Variants in MXI1 observed in about 807,000 individuals in gnomAD.
The protein encoded by MXI1 is MAX interactor 1, dimerization protein, also known as max-interacting protein 1.
In MXI1, 18 loss-of-function variants were observed where a neutral mutation model predicts 36.9. The observed-to-expected ratio is 0.49, with a 90% CI of 0.34 to 0.72. The LOEUF (loss-of-function observed/expected upper bound fraction) is 0.72. MXI1 is among the 30% of genes least tolerant of loss of function. The probability of loss-of-function intolerance (pLI) is 0.01; values close to 1 mark genes in which losing one functional copy is unlikely to be tolerated. For synonymous variants in MXI1, 160 were observed against 146.7 expected (o/e 1.09, Z -0.65); for missense variants, 304 against 379.1 (o/e 0.80, Z 1.64).
intron 3 of MXI1, among the ~76,000 whole-genome samples, chr10:110,262,166 G>C (rs1590386986): frequency 6.6e-6 from 1 of 152,122 alleles, no homozygotes; most frequent in South Asian, 2.1e-4. Context: ...AAATATTTGG[G>C]GGGAAAATTG....
At position 110,285,033 on chromosome 10, in the gene MXI1, A is replaced by C. The variant is rs769324712; in HGVS notation, c.*46A>C. 2 of 1,522,910 alleles carry C rather than the reference A, an allele frequency of 1.3e-6. No individual in the cohort carries two copies. The highest frequency in any genetic ancestry group is 1.8e-6 in the Non-Finnish European group (2 of 1,129,802). 94.3% of individuals were successfully genotyped at this position (1,522,910 alleles called of 1,614,324 possible). ...TGCAGGGCAAAATATTCACTGGGCC[A>C]ATTCAATACAAACAATCTCTTAAAT... On this transcript the variant is annotated 3_prime_UTR_variant, in exon 6 of 6. Coordinates refer to ENST00000332674, the MANE Select transcript of MXI1 (RefSeq NM_130439.3).
intron 3 of MXI1, among the ~76,000 whole-genome samples, chr10:110,267,631 A>C (rs929538144): frequency 2.6e-5 from 4 of 152,228 alleles, no homozygotes; most frequent in African/African-American, 7.2e-5. Context: ...CCATCTTTGC[A>C]GTTAAAACAT....
chr10:110,217,811 A>G (rs1401426293), intron 1 of MXI1, among the ~76,000 whole-genome samples: 1 of 152,170 alleles, frequency 6.6e-6, no homozygotes, highest in East Asian at 1.9e-4. Flanking sequence ...CTTCTGGGAG[A>G]GTGTGATAAC....
At chr10:110,223,120 G>T (rs1412317760) in intron 1 of MXI1, among the ~76,000 whole-genome samples, 1 of 152,190 alleles carries the variant, frequency 6.6e-6, no homozygotes, top group Non-Finnish European at 1.5e-5. Context: ...CTCTAGGTTA[G>T]TTCACCTGGA....
At chr10:110,271,787 A>G (rs1856861096) in intron 3 of MXI1, among the ~76,000 whole-genome samples, 1 of 152,218 alleles carries the variant, frequency 6.6e-6, no homozygotes, top group Admixed American at 6.5e-5. Flanking sequence ...ATAAGGCACT[A>G]TTGTTTACTG....
chr10:110,244,756 G>A, intron 2 of MXI1, 72 bp from the exon 3 acceptor site: 1 of 1,299,292 alleles, frequency 7.7e-7, no homozygotes, highest in Non-Finnish European at 1.1e-6. Context: ...TAGCATAGCA[G>A]TAACTAATCT....
chr10:110,266,037 CCTT>C (rs1195313036), intron 3 of MXI1, among the ~76,000 whole-genome samples: 1 of 152,010 alleles, frequency 6.6e-6, no homozygotes, highest in African/African-American at 2.4e-5. Context: ...TGTGATACAA[CCTT>C]CTTACTAATT....
rs41291898 is a variant in MXI1, at chr10:110,228,179, C to T, written c.275-10C>T. 230 of 1,612,264 alleles carry T rather than the reference C, an allele frequency of 1.4e-4. No individual in the cohort carries two copies. Among genetic ancestry groups the T allele is most frequent in the Non-Finnish European group, 1.9e-4 (219 of 1,179,498 alleles). On this transcript the variant is annotated splice_polypyrimidine_tract_variant and intron_variant, in intron 1 of 5. Coordinates refer to ENST00000332674, the MANE Select transcript of MXI1 (RefSeq NM_130439.3). ...CTTCTTACCGTATCTTTTTTTCTTG[C>T]TTTCTTCAGAGTGTGAACATGGCTA...
chr10:110,215,038 T>G (rs1185585696), intron 1 of MXI1, among the ~76,000 whole-genome samples: 12 of 76,834 alleles, frequency 1.6e-4, no homozygotes, highest in Non-Finnish European at 2.5e-4. Flanking sequence ...TCAGTTTTTT[T>G]TTTTGTTTTT....
At chr10:110,256,957 T>C (rs1032408702) in intron 3 of MXI1, 10 of 152,220 alleles carry the variant, frequency 6.6e-5, no homozygotes, top group African/African-American at 2.4e-4. Flanking sequence ...CAGTATGTAA[T>C]GTGGTATGAG....
chr10:110,252,003 T>G (rs563874806), intron 3 of MXI1, among the ~76,000 whole-genome samples: 5 of 152,222 alleles, frequency 3.3e-5, no homozygotes, highest in Non-Finnish European at 5.9e-5. Context: ...AGCAAAGAGA[T>G]AGGCATGTAC....
intron 1 of MXI1, chr10:110,227,753 A>T (rs1855112527): frequency 5.3e-6 from 1 of 187,946 alleles, no homozygotes; most frequent in Non-Finnish European, 1.1e-5. Flanking sequence ...TGTGGTGTCG[A>T]GAGAGAAAAT....
chr10:110,255,463 C>T (rs12415370), intron 3 of MXI1, among the ~76,000 whole-genome samples: 24,123 of 152,092 alleles, frequency 0.16, 3,021 homozygotes, highest in East Asian at 0.62. Flanking sequence ...ACTTTCAAGT[C>T]TTATTATTTC....
intron 3 of MXI1, chr10:110,257,655 T>A: frequency 6.2e-6 from 1 of 161,680 alleles, no homozygotes. Context: ...GCATATTTTT[T>A]AAGCACTCTA....
intron 5 of MXI1, among the ~76,000 whole-genome samples, chr10:110,281,785 G>A (rs185376713): frequency 6.6e-6 from 1 of 152,112 alleles, no homozygotes; most frequent in Non-Finnish European, 1.5e-5. Context: ...GGTAGATGCA[G>A]AATACTTCAT....
chr10:110,213,200 G>A (rs150045006), intron 1 of MXI1, among the ~76,000 whole-genome samples: 1 of 152,200 alleles, frequency 6.6e-6, no homozygotes, highest in Admixed American at 6.5e-5. Context: ...GTGAACAGCT[G>A]TGACCCTGAG....
At chr10:110,216,185 G>A (rs917184533) in intron 1 of MXI1, among the ~76,000 whole-genome samples, 33 of 152,218 alleles carry the variant, frequency 2.2e-4, no homozygotes, top group African/African-American at 7.2e-4. Context: ...CCCTTGGTTT[G>A]AGCAGTACGC....
rs946689657 is a variant in MXI1 at position 110,287,135 on chromosome 10, G to C, written c.*2148G>C. On this transcript the variant is annotated 3_prime_UTR_variant, in exon 6 of 6. Coordinates refer to ENST00000332674, the MANE Select transcript of MXI1 (RefSeq NM_130439.3). Reference sequence around the variant, plus strand: ...CTTGCATTATTTGGGCCTTCATTCAGATGAACTTGAGGTGCCATTTTGTTG... The same window carrying C: ...CTTGCATTATTTGGGCCTTCATTCACATGAACTTGAGGTGCCATTTTGTTG... 6.6e-6 allele frequency: 1 copy of C among 152,152 alleles called. No individual in the cohort carries two copies. The highest frequency in any genetic ancestry group is 2.1e-4 in the South Asian group (1 of 4,828). 9.4% of individuals were successfully genotyped at this position (152,152 alleles called of 1,614,324 possible). A position where few individuals can be genotyped will look rare whatever the true frequency, so the allele number is the denominator to read the frequency against.
chr10:110,273,214 AT>A (rs1448215828), intron 3 of MXI1, among the ~76,000 whole-genome samples: 1 of 151,000 alleles, frequency 6.6e-6, no homozygotes, highest in Non-Finnish European at 1.5e-5. Context: ...CGCCTGGCTA[AT>A]TTTTTGTGTT....
Sources: allele counts gnomAD v4.1 joint callset (sites outside exome capture counted in the v4.1 genomes callset), GRCh38; gene constraint gnomAD v4.1.1; transcripts MANE v1.5; gene names NCBI Gene and HGNC (gene_info 2026-07-23, HGNC 2026-07-21).